Variants in SLC16A12 observed in about 807,000 individuals in gnomAD.
SLC16A12 encodes the protein monocarboxylate transporter 12.
In SLC16A12, 17 loss-of-function variants were observed where a neutral mutation model predicts 42.4. That is an observed-to-expected ratio of 0.40 (90% CI 0.27 to 0.60). The LOEUF (loss-of-function observed/expected upper bound fraction) is 0.60, where lower values mean the gene tolerates loss of function less well. Among genes scored for constraint, SLC16A12 ranks in the 20% least tolerant of loss-of-function variants. SLC16A12 has a pLI of 0.42. For synonymous variants in SLC16A12, 224 were observed against 229.4 expected (o/e 0.98, Z 0.21); for missense variants, 544 against 623.0 (o/e 0.87, Z 1.35).
At chr10:89,489,751 T>C (rs1842819128) in intron 2 of SLC16A12, among the ~76,000 whole-genome samples, 1 of 152,256 alleles carries the variant, frequency 6.6e-6, no homozygotes, top group South Asian at 2.1e-4. Context: ...GAATATATTT[T>C]ACACTATATT....
chr10:89,539,542 G>A (rs1843698944), upstream of SLC16A12, among the ~76,000 whole-genome samples: 1 of 152,184 alleles, frequency 6.6e-6, no homozygotes, highest in African/African-American at 2.4e-5. Context: ...AGAATTGTTT[G>A]TTCCTGTTAT....
At chr10:89,513,742 A>G (rs538518882) in intron 2 of SLC16A12, among the ~76,000 whole-genome samples, 2 of 152,348 alleles carry the variant, frequency 1.3e-5, no homozygotes, top group East Asian at 3.9e-4. Context: ...TAGTCAGACC[A>G]GTGCCCACCA....
intron 2 of SLC16A12, among the ~76,000 whole-genome samples, chr10:89,512,011 T>A (rs2133840001): frequency 6.6e-6 from 1 of 152,262 alleles, no homozygotes; most frequent in South Asian, 2.1e-4. Flanking sequence ...ACACAATAAA[T>A]GAAGCCTGAA....
chr10:89,440,503 T>C (rs540844529), intron 5 of SLC16A12, among the ~76,000 whole-genome samples: 1 of 152,350 alleles, frequency 6.6e-6, no homozygotes, highest in African/African-American at 2.4e-5. Flanking sequence ...TCCACACCCC[T>C]TTGAGTGATA....
intron 5 of SLC16A12, 33 bp downstream of exon 5, chr10:89,441,075 T>G (rs1462981342): frequency 6.2e-7 from 1 of 1,612,068 alleles, no homozygotes; most frequent in South Asian, 1.1e-5. Flanking sequence ...CTGAATGGAG[T>G]GGGGTGAGAC....
intron 2 of SLC16A12, among the ~76,000 whole-genome samples, chr10:89,524,664 T>G (rs1346753799): frequency 6.6e-6 from 1 of 152,218 alleles, no homozygotes; most frequent in Admixed American, 6.5e-5. Context: ...TACACACACT[T>G]GTGTGTACAG....
At chr10:89,480,455 A>G (rs1388534377) in intron 2 of SLC16A12, among the ~76,000 whole-genome samples, 1 of 152,194 alleles carries the variant, frequency 6.6e-6, no homozygotes, top group Non-Finnish European at 1.5e-5. Context: ...CATATTAACA[A>G]ATACTAATTT....
At chr10:89,482,050 A>C (rs1055720956) in intron 2 of SLC16A12, among the ~76,000 whole-genome samples, 1 of 152,170 alleles carries the variant, frequency 6.6e-6, no homozygotes, top group African/African-American at 2.4e-5. Context: ...CTTTGAATGA[A>C]ATAGCCCAAA....
In SLC16A12 at chr10:89,462,524, A is replaced by G; in HGVS notation, c.55T>C (p.Leu19=). 6.2e-7 allele frequency: 1 copy of G among 1,613,586 alleles called. No individual in the cohort carries two copies. The highest frequency in any genetic ancestry group is 8.5e-7 in the Non-Finnish European group (1 of 1,179,902). ...ANSSKIITWL[L]EQPGKEEKRK... ...TTTTCTTCTTTTCCAGGTTGCTCCA[A>G]CAGCCAAGTTATGATCTTGGAAGAG... The change falls in exon 3 of 8, where the codon TTG becomes CTG. Residue 19 remains leucine (L), a synonymous_variant. Transcript: ENST00000371790.
At chr10:89,481,587 T>C (rs1564583815) in intron 2 of SLC16A12, among the ~76,000 whole-genome samples, 1 of 151,988 alleles carries the variant, frequency 6.6e-6, no homozygotes, top group Non-Finnish European at 1.5e-5. Context: ...ATAGATAAAC[T>C]GTATGACTAT....
chr10:89,460,997 C>T (rs1035593195), intron 3 of SLC16A12, among the ~76,000 whole-genome samples: 1 of 152,158 alleles, frequency 6.6e-6, no homozygotes, highest in Non-Finnish European at 1.5e-5. Flanking sequence ...ATGGGAGGGA[C>T]ACTGATGCCT....
intron 2 of SLC16A12, among the ~76,000 whole-genome samples, chr10:89,481,326 G>T (rs1388082936): frequency 6.6e-6 from 1 of 152,102 alleles, no homozygotes; most frequent in African/African-American, 2.4e-5. Flanking sequence ...GTACATAGTG[G>T]CAACTAAGTG....
chr10:89,467,075 A>C (rs1842413568), intron 2 of SLC16A12, among the ~76,000 whole-genome samples: 1 of 152,256 alleles, frequency 6.6e-6, no homozygotes, highest in Non-Finnish European at 1.5e-5. Flanking sequence ...CAGTTGTACC[A>C]GTAAAAAAAG....
chr10:89,482,100 T>C (rs1842673535), intron 2 of SLC16A12, among the ~76,000 whole-genome samples: 1 of 152,106 alleles, frequency 6.6e-6, no homozygotes, highest in South Asian at 2.1e-4. Context: ...AAATAATTAA[T>C]CATCTAAAAG....
chr10:89,441,236 A>G lies in SLC16A12; in HGVS notation c.320T>C (p.Val107Ala), dbSNP rs751106657. 5.8e-5 allele frequency: 94 copies of G among 1,614,010 alleles called. No homozygotes were observed. The highest frequency in any genetic ancestry group is 7.6e-5 in the Non-Finnish European group (90 of 1,179,992). Residue 107 changes from valine (V) to alanine (A), a missense_variant, in exon 5 of 8, where the codon GTT becomes GCT. Val to Ala is a moderately conservative substitution (Grantham distance 64). Coordinates refer to ENST00000371790, the MANE Select transcript of SLC16A12 (RefSeq NM_213606.4). ...TTGACAGGATAAATGGTTACTGACA[A>G]CACTCCCAAGTGGAGCTTCAAAAAC... The part of the protein sequence containing the change: ...VTMLCAPLGS[V>A]VSNHLSCQVG...
At position 89,438,976 on chromosome 10, in the gene SLC16A12, A is replaced by G. The variant is rs370866191; in HGVS notation, c.656T>C (p.Val219Ala). The G allele has an allele frequency of 1.2e-6, 2 of 1,614,068 alleles. No homozygotes were observed. Among genetic ancestry groups the G allele is most frequent in the African/African-American group, 2.7e-5 (2 of 74,934 alleles). ...AATTGGCCTCATCAAGGCACCACAT[A>G]CACAGAGATTCAAGACAAAGCCCCC... ...ILGGFVLNLC[V>A]CGALMRPITL... is the part of the protein sequence containing the mutation. The change falls in exon 6 of 8, where the codon GTA becomes GCA. Residue 219 changes from valine to alanine, a missense_variant. Coordinates refer to ENST00000371790, the MANE Select transcript of SLC16A12 (RefSeq NM_213606.4).
chr10:89,526,830 T>C (rs1265473608), intron 2 of SLC16A12, among the ~76,000 whole-genome samples: 2 of 149,640 alleles, frequency 1.3e-5, no homozygotes, highest in East Asian at 3.9e-4. Context: ...ATGTGCAAAA[T>C]ACAGTTTAAA....
chr10:89,467,388 T>C (rs1217088519), intron 2 of SLC16A12, among the ~76,000 whole-genome samples: 1 of 152,138 alleles, frequency 6.6e-6, no homozygotes, highest in Non-Finnish European at 1.5e-5. Flanking sequence ...AAGAAAACAA[T>C]GTAAGAGAAG....
chr10:89,547,657 A>G (rs1469518817), intron 2 of SLC16A12, among the ~76,000 whole-genome samples: 2 of 152,238 alleles, frequency 1.3e-5, no homozygotes, highest in Admixed American at 6.5e-5. Flanking sequence ...AAAAGGGTAC[A>G]TGATTATTTT....
Sources: gnomAD v4.1 joint callset for allele counts (sites outside exome capture counted in the v4.1 genomes callset) on GRCh38, gnomAD v4.1.1 for gene constraint, MANE v1.5 for transcripts, NCBI Gene and HGNC (gene_info 2026-07-23, HGNC 2026-07-21) for gene names.